Variants in ASB9 observed in about 807,000 individuals in gnomAD.
The protein encoded by ASB9 is ankyrin repeat and SOCS box containing 9, also known as ankyrin repeat and SOCS box protein 9.
Under a neutral mutation model 16.6 loss-of-function variants are expected in ASB9, and 5 were observed. The ratio of observed to expected loss-of-function variants is 0.30; its 90% confidence interval spans 0.16 to 0.63. ASB9 has a LOEUF of 0.63. Ranked by LOEUF, ASB9 falls within the 30% of genes least tolerant of loss-of-function variation. ASB9 has a pLI of 0.82. For missense variants in ASB9, 216 were observed against 229.4 expected (o/e 0.94, Z 0.38); for synonymous variants, 100 against 86.4 (o/e 1.16, Z -0.87).
intron 6 of ASB9, among the ~76,000 whole-genome samples, chrX:15,247,031 C>G (rs977763801): frequency 1.8e-5 from 2 of 111,727 alleles, no homozygotes; most frequent in Non-Finnish European, 3.8e-5. Flanking sequence ...TCTCCTGTTG[C>G]CATACCATTG....
intron 1 of ASB9, among the ~76,000 whole-genome samples, chrX:15,267,433 T>TAA (rs1926575316): frequency 5.6e-5 from 2 of 35,698 alleles, no homozygotes; most frequent in Non-Finnish European, 9.7e-5. Flanking sequence ...TATATATATA[T>TAA]AATTATATAT....
intron 4 of ASB9, among the ~76,000 whole-genome samples, chrX:15,250,990 G>T (rs1240704925): frequency 8.9e-6 from 1 of 112,265 alleles, no homozygotes; most frequent in African/African-American, 3.2e-5. Context: ...CAAAATGCTG[G>T]GATTACAGGC....
At chrX:15,248,389 T>C (rs1924839542) in intron 6 of ASB9, among the ~76,000 whole-genome samples, 2 of 112,236 alleles carry the variant, frequency 1.8e-5, no homozygotes, top group Non-Finnish European at 3.8e-5. Flanking sequence ...CTGCGGCCTC[T>C]TACAACCCCA....
intron 3 of ASB9, among the ~76,000 whole-genome samples, chrX:15,254,233 G>GC (rs1925359311): frequency 1.8e-5 from 2 of 112,035 alleles, no homozygotes; most frequent in Non-Finnish European, 3.8e-5. Context: ...ATCATTTCTG[G>GC]GACTTTGCAT....
Position 15,254,740 on chromosome X carries a change from A to G in ASB9, c.279T>C (p.Ala93=). ...ATGTTGTTTCAGCTGCCCTTACCTG[A>G]GCTCCATGCTTTAATAAAATCTTCA... ...SCVKILLKHG[A]QVNGVTADWH... is the part of the protein sequence containing the mutation. Residue 93 remains alanine (A), a synonymous_variant, in exon 3 of 7, where the codon GCT becomes GCC. Coordinates refer to ENST00000380488, the MANE Select transcript of ASB9 (RefSeq NM_001031739.3). The G allele has an allele frequency of 3.3e-6, 4 of 1,203,216 alleles. No individual in the cohort carries two copies. The highest frequency in any genetic ancestry group is 4.6e-4 in the Middle Eastern group (2 of 4,333).
chrX:15,252,318 C>G lies in ASB9; in HGVS notation c.369G>C (p.Gln123His), dbSNP rs764201131. 1 of 1,209,851 alleles carries G rather than the reference C, an allele frequency of 8.3e-7. No homozygotes were observed. Among genetic ancestry groups the G allele is most frequent in the Non-Finnish European group, 1.1e-6 (1 of 895,124 alleles). ...GSWDCVNLLL[Q>H]HGASVQPESD... ...TCTCAGGTTGAACGCTGGCTCCGTG[C>G]TGCAGAAGCAAATTCACACAATCCC... Residue 123 changes from glutamine to histidine, a missense_variant, in exon 4 of 7, where the codon CAG becomes CAC. Transcript: ENST00000380488.
rs538880143 is a variant in ASB9 at position 15,252,139 on chromosome X, G to T, written c.433+115C>A. On this transcript the variant is annotated intron_variant, in intron 4 of 6. Coordinates refer to ENST00000380488, the MANE Select transcript of ASB9 (RefSeq NM_001031739.3). ...AGGTCATGCTGATGCTTCCAGTCCTGGGACTCCATTTTGAGAACTACTGCT... is the reference window on the plus strand; with the variant it reads ...AGGTCATGCTGATGCTTCCAGTCCTTGGACTCCATTTTGAGAACTACTGCT... 9.4e-6 allele frequency: 8 copies of T among 847,476 alleles called. No individual in the cohort carries two copies. In the South Asian group the frequency reaches 2.3e-4, roughly 25 times the overall value. 69.8% of individuals were successfully genotyped at this position (847,476 alleles called of 1,213,427 possible).
intron 2 of ASB9, among the ~76,000 whole-genome samples, 153 bp from the exon 3 acceptor site, chrX:15,254,997 A>T (rs2093755466): frequency 9.0e-6 from 1 of 110,702 alleles, no homozygotes; most frequent in African/African-American, 3.3e-5. Context: ...AAAAAAAAAA[A>T]TGCCACACTA....
intron 6 of ASB9, 62 bp from the exon 7 acceptor site, chrX:15,244,692 T>TAA (rs35732224): frequency 4.1e-6 from 4 of 970,325 alleles, no homozygotes; most frequent in Non-Finnish European, 4.1e-6. Context: ...TCCTTTTTTT[T>TAA]AAAAAAAAAA....
In ASB9 at chrX:15,244,547, C is replaced by T. The variant is rs374177117; in HGVS notation, c.844G>A (p.Val282Ile). Reference sequence around the variant, plus strand: ...AACTGTTTCAGATCCTCTGGGAGGACGAGTTTGGTTATCTTATGATGCTGC... The same window carrying T: ...AACTGTTTCAGATCCTCTGGGAGGATGAGTTTGGTTATCTTATGATGCTGC... ...IQQHHKITKLVLPEDLKQFLL... is the reference protein window; with the variant it reads ...IQQHHKITKLILPEDLKQFLL... The change falls in exon 7 of 7, where the codon GTC (valine) becomes ATC (isoleucine). Residue 282 changes from valine (V) to isoleucine (I), a missense_variant. Coordinates refer to ENST00000380488, the MANE Select transcript of ASB9 (RefSeq NM_001031739.3). The T allele has an allele frequency of 1.1e-5, 13 of 1,194,145 alleles. No homozygotes were observed. Among genetic ancestry groups the T allele is most frequent in the South Asian group, 8.9e-5 (5 of 56,368 alleles).
chrX:15,246,694 G>A (rs1301600784), intron 6 of ASB9, among the ~76,000 whole-genome samples: 1 of 110,529 alleles, frequency 9.0e-6, no homozygotes, highest in African/African-American at 3.3e-5. Context: ...AGCCAGGATG[G>A]TCTCTATCTC....
chrX:15,244,496 C>T lies in ASB9; in HGVS notation c.*10G>A. ...TTCACATCGTTTGTGAATCCATTCC[C>T]TAGATGCATTTAAAGATGTAGGAGA... On this transcript the variant is annotated 3_prime_UTR_variant, in exon 7 of 7. Coordinates refer to ENST00000380488, the MANE Select transcript of ASB9 (RefSeq NM_001031739.3). The T allele has an allele frequency of 8.4e-7, 1 of 1,191,835 alleles. No individual in the cohort carries two copies.
intron 2 of ASB9, among the ~76,000 whole-genome samples, chrX:15,255,496 G>C (rs777460158): frequency 1.8e-5 from 2 of 111,808 alleles, no homozygotes; most frequent in South Asian, 7.5e-4. Context: ...GTTCTAGAAA[G>C]CACAATAAGG....
intron 6 of ASB9, 103 bp downstream of exon 6, chrX:15,248,641 T>A (rs1412818605): frequency 9.0e-7 from 1 of 1,110,839 alleles, no homozygotes; most frequent in East Asian, 3.0e-5. Context: ...CAGAGAATGA[T>A]CTTTTTATAG....
Position 15,252,388 on chromosome X carries a change from G to C in ASB9, c.299C>G (p.Ala100Gly), listed in dbSNP as rs777455315. ...ATTAAACAGTGGAGTGTGCCAGTCT[G>C]CTGTCACACCATTCACCTGGTAAAA... ...KHGAQVNGVT[A>G]DWHTPLFNAC... Residue 100 changes from alanine to glycine, a missense_variant, in exon 4 of 7, where the codon GCA (alanine) becomes GGA (glycine). Coordinates refer to ENST00000380488, the MANE Select transcript of ASB9 (RefSeq NM_001031739.3). 6 of 1,201,905 alleles carry C rather than the reference G, an allele frequency of 5.0e-6. No homozygotes were observed. The highest frequency in any genetic ancestry group is 5.6e-6 in the Non-Finnish European group (5 of 891,303).
chrX:15,252,126 T>C (rs1925164961), intron 4 of ASB9, 128 bp downstream of exon 4: 2 of 743,695 alleles, frequency 2.7e-6, no homozygotes, highest in Admixed American at 8.6e-5. Context: ...GTCATGCTGA[T>C]GCTTCCAGTC....
In ASB9 at chrX:15,252,416, A is replaced by G; in HGVS notation, c.283-12T>C. ...GTCACACCATTCACCTGGTAAAAGA[A>G]GCTCCAGAATGAAGACAGGAAGGGG... On this transcript the variant is annotated splice_polypyrimidine_tract_variant and intron_variant, in intron 3 of 6. Transcript: ENST00000380488. 1 of 1,190,653 alleles carries G rather than the reference A, an allele frequency of 8.4e-7. No homozygotes were observed. Among genetic ancestry groups the G allele is most frequent in the South Asian group, 1.9e-5 (1 of 52,857 alleles).
At chrX:15,266,696 G>A (rs1446864134) in intron 1 of ASB9, among the ~76,000 whole-genome samples, 1 of 111,525 alleles carries the variant, frequency 9.0e-6, no homozygotes, top group East Asian at 2.8e-4. Context: ...CAGCACTTTG[G>A]GAGGCCAAGG....
intron 1 of ASB9, among the ~76,000 whole-genome samples, chrX:15,265,484 C>A (rs1433298992): frequency 8.9e-6 from 1 of 112,029 alleles, no homozygotes; most frequent in African/African-American, 3.2e-5. Flanking sequence ...TTCCAAAGTT[C>A]GATCCAAATG....
Sources: allele counts gnomAD v4.1 joint callset (sites outside exome capture counted in the v4.1 genomes callset), GRCh38; gene constraint gnomAD v4.1.1; transcripts MANE v1.5; gene names NCBI Gene and HGNC (gene_info 2026-07-23, HGNC 2026-07-21).